Variants in PKIA observed in about 807,000 individuals in gnomAD.
PKIA encodes the protein PKI-alpha.
Under a neutral mutation model 7.6 loss-of-function variants are expected in PKIA, and 4 were observed. The observed-to-expected ratio is 0.52, with a 90% CI of 0.26 to 1.20. The LOEUF (loss-of-function observed/expected upper bound fraction) is 1.20, where lower values mean the gene tolerates loss of function less well. PKIA is among the 50% of genes most tolerant of loss of function. The pLI, the probability that PKIA is intolerant of heterozygous loss-of-function variation, is 0.13. For synonymous variants in PKIA, 21 were observed against 30.7 expected (o/e 0.68, Z 1.04); for missense variants, 73 against 86.2 (o/e 0.85, Z 0.61).
At chr8:78,580,896 C>T (rs1017687087) in intron 2 of PKIA, among the ~76,000 whole-genome samples, 4 of 151,956 alleles carry the variant, frequency 2.6e-5, no homozygotes, top group African/African-American at 9.7e-5. Context: ...TAGAATTAAA[C>T]ATAGATGTAA....
At chr8:78,590,795 A>C (rs1031585055) in intron 2 of PKIA, among the ~76,000 whole-genome samples, 1 of 152,022 alleles carries the variant, frequency 6.6e-6, no homozygotes, top group African/African-American at 2.4e-5. Flanking sequence ...ATATTGGTAG[A>C]TTTATCCCTG....
intron 1 of PKIA, among the ~76,000 whole-genome samples, chr8:78,562,876 T>C (rs1807317313): frequency 6.6e-6 from 1 of 151,468 alleles, no homozygotes; most frequent in Non-Finnish European, 1.5e-5. Flanking sequence ...TGGTAGATGC[T>C]CAGGAAATGA....
intron 2 of PKIA, among the ~76,000 whole-genome samples, chr8:78,588,195 G>A (rs1213277401): frequency 6.6e-6 from 1 of 152,118 alleles, no homozygotes; most frequent in Non-Finnish European, 1.5e-5. Context: ...TGGTTGAGAA[G>A]ACCAATAGGA....
At chr8:78,578,257 T>G (rs1298903361) in intron 2 of PKIA, among the ~76,000 whole-genome samples, 1 of 152,042 alleles carries the variant, frequency 6.6e-6, no homozygotes, top group African/African-American at 2.4e-5. Flanking sequence ...GAAATTCTGT[T>G]TCACTTATGA....
At chr8:78,536,051 C>T (rs1217486005) in intron 1 of PKIA, 1 of 151,986 alleles carries the variant, frequency 6.6e-6, no homozygotes, top group Non-Finnish European at 1.5e-5. Context: ...CCTCCCTCTG[C>T]ATCAGTCTAA....
chr8:78,564,661 A>T (rs1403275707), intron 1 of PKIA, among the ~76,000 whole-genome samples: 1 of 151,930 alleles, frequency 6.6e-6, no homozygotes, highest in East Asian at 1.9e-4. Flanking sequence ...TATATTTAGA[A>T]AATCATTATA....
intron 2 of PKIA, chr8:78,591,143 CA>C (rs1563592515): frequency 6.6e-6 from 1 of 152,620 alleles, no homozygotes; most frequent in East Asian, 1.9e-4. Flanking sequence ...GTCCCATTTA[CA>C]GGAGTAAAAT....
chr8:78,574,969 G>A (rs148551447), intron 2 of PKIA, among the ~76,000 whole-genome samples: 30 of 151,998 alleles, frequency 2.0e-4, no homozygotes, highest in African/African-American at 6.3e-4. Flanking sequence ...GAGAAAGGAA[G>A]AATTTCTTTT....
In PKIA at chr8:78,535,709, T is replaced by G. The variant is rs550613859; in HGVS notation, c.-157+19241T>G. 3.3e-5 allele frequency: 5 copies of G among 152,198 alleles called. No homozygotes were observed. In the East Asian group the frequency reaches 9.7e-4, roughly 29 times the overall value. 9.4% of individuals were successfully genotyped at this position (152,198 alleles called of 1,614,324 possible). ...GAATCTGGGGTTCTGCATCCATGGA[T>G]TCAACCAGCAGACTGAAAATATTCA... On this transcript the variant is annotated intron_variant, in intron 1 of 3. Transcript: ENST00000396418.
At chr8:78,523,957 TATAA>T (rs1459124932) in intron 1 of PKIA, among the ~76,000 whole-genome samples, 3 of 136,184 alleles carry the variant, frequency 2.2e-5, no homozygotes, top group African/African-American at 5.5e-5. Flanking sequence ...TATATTTATA[TATAA>T]ATATATAAAC....
chr8:78,600,529 T>C (rs1309618691), intron 3 of PKIA, among the ~76,000 whole-genome samples: 1 of 152,082 alleles, frequency 6.6e-6, no homozygotes, highest in Non-Finnish European at 1.5e-5. Context: ...TATTCTACTG[T>C]CTTACATATG....
At chr8:78,542,879 A>T (rs1456459964) in intron 1 of PKIA, among the ~76,000 whole-genome samples, 1 of 152,160 alleles carries the variant, frequency 6.6e-6, no homozygotes, top group Non-Finnish European at 1.5e-5. Context: ...TCTGAAGATG[A>T]AGAGTGTTGG....
At position 78,604,475 on chromosome 8, in the gene PKIA, G is replaced by T. The variant is rs1808427204; in HGVS notation, c.*2654G>T. 1 of 151,908 alleles carries T rather than the reference G, an allele frequency of 6.6e-6. No individual in the cohort carries two copies. The highest frequency in any genetic ancestry group is 2.4e-5 in the African/African-American group (1 of 41,378). The allele number at this position is 151,908 out of a possible 1,614,324, so 9.4% of individuals were successfully genotyped here. A position where few individuals can be genotyped will look rare whatever the true frequency, so the allele number is the denominator to read the frequency against. On this transcript the variant is annotated 3_prime_UTR_variant, in exon 4 of 4. Transcript: ENST00000396418. The stretch of plus-strand genomic sequence containing the variant: ...GAACTTTTAGAGATGAACTTCTTCA[G>T]CCTCCATATTTTACAGAAGGAAACT...
intron 2 of PKIA, among the ~76,000 whole-genome samples, chr8:78,580,705 A>G (rs1453470989): frequency 6.6e-6 from 1 of 152,032 alleles, no homozygotes; most frequent in Non-Finnish European, 1.5e-5. Context: ...AGCAACAATA[A>G]TTTGTTAAAA....
At chr8:78,523,927 T>A (rs1161120564) in intron 1 of PKIA, among the ~76,000 whole-genome samples, 2 of 141,458 alleles carry the variant, frequency 1.4e-5, no homozygotes, top group Non-Finnish European at 3.1e-5. Flanking sequence ...TTTATATATA[T>A]ATAAATATAT....
At chr8:78,571,962 A>T (rs921869608) in intron 1 of PKIA, among the ~76,000 whole-genome samples, 2 of 152,104 alleles carry the variant, frequency 1.3e-5, no homozygotes, top group Non-Finnish European at 2.9e-5. Flanking sequence ...CAATAAGTGG[A>T]GGGAAAGAGA....
chr8:78,524,860 T>C (rs1484977328), intron 1 of PKIA, among the ~76,000 whole-genome samples: 2 of 151,956 alleles, frequency 1.3e-5, no homozygotes, highest in Non-Finnish European at 2.9e-5. Flanking sequence ...ATGGCCAGTA[T>C]GGTACATGGC....
intron 1 of PKIA, among the ~76,000 whole-genome samples, chr8:78,540,593 G>A (rs1271267077): frequency 6.6e-6 from 1 of 152,048 alleles, no homozygotes; most frequent in African/African-American, 2.4e-5. Context: ...GAAGTCACCA[G>A]TTGCAACTCC....
intron 1 of PKIA, among the ~76,000 whole-genome samples, chr8:78,559,070 C>A (rs193021975): frequency 3.3e-5 from 5 of 152,014 alleles, no homozygotes; most frequent in Non-Finnish European, 7.4e-5. Flanking sequence ...AACAGGCATG[C>A]GCCACAACGC....
Sources: gnomAD v4.1 joint callset for allele counts (sites outside exome capture counted in the v4.1 genomes callset) on GRCh38, gnomAD v4.1.1 for gene constraint, MANE v1.5 for transcripts, NCBI Gene and HGNC (gene_info 2026-07-23, HGNC 2026-07-21) for gene names.